The following VTI1A variants were observed in gnomAD, a reference collection of about 807,000 sequenced individuals.
VTI1A encodes the protein vesicle transport through interaction with t-SNAREs homolog 1A.
A neutral mutation model predicts 34.9 loss-of-function variants in VTI1A; 22 were observed. That is an observed-to-expected ratio of 0.63 (90% CI 0.45 to 0.90). VTI1A has a LOEUF of 0.90. Ranked by LOEUF, VTI1A falls within the 40% of genes least tolerant of loss-of-function variation. VTI1A has a pLI of 0.00. For synonymous variants in VTI1A, 87 were observed against 97.3 expected, an observed-to-expected ratio of 0.89 and a Z score of 0.62; for missense variants, 268 against 275.6, an observed-to-expected ratio of 0.97 and a Z score of 0.20.
rs1853575159 is a variant in VTI1A, at chr10:112,818,083, C to T, written c.*2700C>T. The T allele has an allele frequency of 4.3e-6, 1 of 233,546 alleles. No individual in the cohort carries two copies. The highest frequency in any genetic ancestry group is 8.5e-6 in the Non-Finnish European group (1 of 117,940). 14.5% of individuals were successfully genotyped at this position (233,546 alleles called of 1,614,324 possible). ...GTGGGTCTGACGTCAGCTGCCGGGC[C>T]TGGGCTGGGAGGCCATTTGCTATTC... On this transcript the variant is annotated 3_prime_UTR_variant, in exon 8 of 8. Transcript: ENST00000393077.
intron 7 of VTI1A, among the ~76,000 whole-genome samples, chr10:112,711,077 C>G (rs1478401415): frequency 6.6e-6 from 1 of 152,216 alleles, no homozygotes; most frequent in African/African-American, 2.4e-5. Context: ...TCTCTTTGAG[C>G]ACACCTAGTT....
intron 7 of VTI1A, 80 bp from the exon 8 acceptor site, chr10:112,815,210 G>A: frequency 8.6e-6 from 5 of 582,836 alleles, no homozygotes; most frequent in East Asian, 5.4e-5. Flanking sequence ...CGTTTGATTA[G>A]CCAACCTGGC....
At chr10:112,847,453 C>G in the VTI1A span, among the ~76,000 whole-genome samples, 1 of 152,182 alleles carries the variant, frequency 6.6e-6, no homozygotes, top group Non-Finnish European at 1.5e-5. Context: ...CTTCTATCCC[C>G]TCAAAAGTCT....
chr10:112,662,290 A>G (rs191311013), intron 5 of VTI1A, among the ~76,000 whole-genome samples: 17 of 152,292 alleles, frequency 1.1e-4, no homozygotes, highest in African/African-American at 4.1e-4. Context: ...GGAGTCTAAT[A>G]ACATGTATGT....
At chr10:112,530,761 C>T (rs2134232450) in intron 4 of VTI1A, among the ~76,000 whole-genome samples, 1 of 152,128 alleles carries the variant, frequency 6.6e-6, no homozygotes, top group South Asian at 2.1e-4. Flanking sequence ...AGCTACAGAC[C>T]AGGGGGTGAA....
intron 7 of VTI1A, among the ~76,000 whole-genome samples, chr10:112,712,661 T>A (rs1849467433): frequency 6.6e-6 from 1 of 152,138 alleles, no homozygotes. Flanking sequence ...CATGCCCTGA[T>A]AAGAAAAAGT....
Position 112,483,151 on chromosome 10 carries a change from T to A in VTI1A, c.264+18494T>A, listed in dbSNP as rs150047835. Among the ~76,000 whole-genome samples, 1,097 of 152,312 alleles carry A rather than the reference T, an allele frequency of 7.2e-3. 12 individuals are homozygous for A. Among genetic ancestry groups the A allele is most frequent in the African/African-American group, 0.025 (1,036 of 41,578 alleles). ...CAAGCAACGATCTGCCTACTCCTGC[T>A]ATATCCAGATGCTTTTAATGTCTTT... is the stretch of plus-strand genomic sequence containing the variant. On this transcript the variant is annotated intron_variant, in intron 3 of 7. Transcript: ENST00000393077.
At chr10:112,743,008 A>G (rs1001248334) in intron 7 of VTI1A, among the ~76,000 whole-genome samples, 2 of 141,266 alleles carry the variant, frequency 1.4e-5, no homozygotes, top group Non-Finnish European at 3.1e-5. Context: ...GCTGGGACCT[A>G]TTCTCGTGTG....
chr10:112,776,979 G>C (rs1590174921), intron 7 of VTI1A, among the ~76,000 whole-genome samples: 1 of 151,924 alleles, frequency 6.6e-6, no homozygotes, highest in Non-Finnish European at 1.5e-5. Context: ...CACCCGGCTA[G>C]GCTGACTTAA....
intron 3 of VTI1A, among the ~76,000 whole-genome samples, chr10:112,491,305 G>A (rs1027823423): frequency 6.6e-6 from 1 of 152,206 alleles, no homozygotes. Context: ...AGCATAGACA[G>A]CAGGAGTCAG....
chr10:112,718,955 G>A (rs1288083312), intron 7 of VTI1A, among the ~76,000 whole-genome samples: 1 of 152,176 alleles, frequency 6.6e-6, no homozygotes, highest in Non-Finnish European at 1.5e-5. Context: ...CTAGGAAAAT[G>A]AGAATTTGTG....
chr10:112,771,805 G>A (rs1268163383), intron 7 of VTI1A, among the ~76,000 whole-genome samples: 1 of 152,156 alleles, frequency 6.6e-6, no homozygotes, highest in Non-Finnish European at 1.5e-5. Context: ...TAGAATATGT[G>A]ATTTTTTTGT....
chr10:112,728,661 GA>G (rs906495856), intron 7 of VTI1A, among the ~76,000 whole-genome samples: 1 of 151,920 alleles, frequency 6.6e-6, no homozygotes, highest in Non-Finnish European at 1.5e-5. Flanking sequence ...TGAAATGGAA[GA>G]AAAAAAATAG....
chr10:112,464,917 A>G (rs3824625), intron 3 of VTI1A, among the ~76,000 whole-genome samples: 13,306 of 152,262 alleles, frequency 0.087, 683 homozygotes, highest in East Asian at 0.12. Context: ...CTGATACTTA[A>G]CATTTATTAA....
At chr10:112,486,936 G>A (rs78564717) in intron 3 of VTI1A, among the ~76,000 whole-genome samples, 6,872 of 151,348 alleles carry the variant, frequency 0.045, 196 homozygotes, top group Non-Finnish European at 0.066. Context: ...TCTCTTTACC[G>A]CAGTGCATTG....
chr10:112,549,399 A>G (rs568848547), intron 5 of VTI1A, among the ~76,000 whole-genome samples: 5 of 152,238 alleles, frequency 3.3e-5, no homozygotes, highest in African/African-American at 4.8e-5. Flanking sequence ...TTATGTGTCC[A>G]TAAACACTGA....
At chr10:112,605,854 G>T (rs1221843997) in intron 5 of VTI1A, among the ~76,000 whole-genome samples, 1 of 152,170 alleles carries the variant, frequency 6.6e-6, no homozygotes, top group Admixed American at 6.5e-5. Flanking sequence ...GGTGGAGAGT[G>T]CATCTTAAGT....
chr10:112,657,495 G>C (rs1847274332), intron 5 of VTI1A, among the ~76,000 whole-genome samples: 1 of 152,024 alleles, frequency 6.6e-6, no homozygotes, highest in Non-Finnish European at 1.5e-5. Context: ...TTTAATATAA[G>C]AGGTATAAGA....
At position 112,682,513 on chromosome 10, in the gene VTI1A, A is replaced by G. The variant is rs888056584; in HGVS notation, c.560+13515A>G. Among the ~76,000 whole-genome samples the G allele has an allele frequency of 7.2e-5, 11 of 152,258 alleles. 1 individual carries two copies. Among genetic ancestry groups the G allele is most frequent in the African/African-American group, 2.4e-4 (10 of 41,472 alleles). On this transcript the variant is annotated intron_variant, in intron 7 of 7. Coordinates refer to ENST00000393077, the MANE Select transcript of VTI1A (RefSeq NM_145206.4). ...AGTGTTAAATATGAGTAGAAAACTC[A>G]AAAGTCAGATTTAAGAAACAGAGAA...
Sources: gnomAD v4.1 joint callset for allele counts (sites outside exome capture counted in the v4.1 genomes callset) on GRCh38, gnomAD v4.1.1 for gene constraint, MANE v1.5 for transcripts, NCBI Gene and HGNC (gene_info 2026-07-23, HGNC 2026-07-21) for gene names.